The following PLSCR2 variants were observed in gnomAD, a reference collection of about 807,000 sequenced individuals.
The protein encoded by PLSCR2 is PL scramblase 2.
PLSCR2 carries 18 observed loss-of-function variants against 25.3 expected under a neutral mutation model. That is an observed-to-expected ratio of 0.71 (90% CI 0.49 to 1.06). The LOEUF is 1.06. Among genes scored for constraint, PLSCR2 ranks in the 50% least tolerant of loss-of-function variants. The probability of loss-of-function intolerance (pLI) is 0.00; values close to 1 mark genes in which losing one functional copy is unlikely to be tolerated. For missense variants in PLSCR2, 243 were observed against 269.5 expected, an observed-to-expected ratio of 0.90 and a Z score of 0.69; for synonymous variants, 88 against 87.3, an observed-to-expected ratio of 1.01 and a Z score of -0.04.
exon 4 of PLSCR2, chr3:146,455,387 G>C: frequency 6.2e-7 from 1 of 1,613,492 alleles, no homozygotes; most frequent in South Asian, 1.1e-5. Flanking sequence ...AGTATCTTCT[G>C]CTGCAAAATA....
rs923245601 is a variant in PLSCR2 at position 146,492,487 on chromosome 3, T to G, written c.-293+3408A>C. Among the ~76,000 whole-genome samples the G allele has an allele frequency of 2.0e-5, 3 of 152,160 alleles. No homozygotes were observed. In the East Asian group the frequency reaches 5.8e-4, roughly 29 times the overall value. On this transcript the variant is annotated intron_variant, in intron 1 of 8. Transcript: ENST00000336685. ...GTGCAATAAAAATATAAATCAATAC[T>G]AAGGAGATATATCCAAACCATACAA... is the stretch of plus-strand genomic sequence containing the variant.
intron 8 of PLSCR2, among the ~76,000 whole-genome samples, chr3:146,435,084 C>T (rs2039762503): frequency 1.3e-5 from 2 of 152,170 alleles, no homozygotes; most frequent in South Asian, 4.1e-4. Flanking sequence ...ATCCATGTCC[C>T]TACAAAGGAC....
In PLSCR2 at chr3:146,460,090, T is replaced by C. The variant is rs1247437365; in HGVS notation, c.-179-7A>G. On this transcript the variant is annotated splice_polypyrimidine_tract_variant and splice_region_variant and intron_variant, in intron 1 of 6. Coordinates refer to ENST00000610787, the Ensembl canonical transcript of PLSCR2. ...ACAATATGTCCGGGAGGTCCTGAAA[T>C]AGGAGCAAGTAAAATAATTTGTAGC... The C allele has an allele frequency of 6.7e-7, 1 of 1,493,858 alleles. No homozygotes were observed. Among genetic ancestry groups the C allele is most frequent in the Admixed American group, 2.2e-5 (1 of 44,706 alleles). 92.5% of individuals were successfully genotyped at this position (1,493,858 alleles called of 1,614,324 possible). A position where few individuals can be genotyped will look rare whatever the true frequency, so the allele number is the denominator to read the frequency against.
intron 1 of PLSCR2, among the ~76,000 whole-genome samples, chr3:146,467,598 T>C (rs999101510): frequency 1.3e-5 from 2 of 151,782 alleles, no homozygotes; most frequent in Admixed American, 1.3e-4. Context: ...ATTATATTAA[T>C]TAAATTTATT....
chr3:146,473,658 T>G (rs183756497), intron 1 of PLSCR2, among the ~76,000 whole-genome samples: 10 of 152,310 alleles, frequency 6.6e-5, no homozygotes, highest in Admixed American at 5.2e-4. Context: ...AAACACACTG[T>G]TGGTTAACTA....
chr3:146,394,363 G>C (rs1004049056), intron 3 of PLSCR2, among the ~76,000 whole-genome samples: 1 of 151,938 alleles, frequency 6.6e-6, no homozygotes, highest in Admixed American at 6.6e-5. Flanking sequence ...TGCCTCCTGG[G>C]TTCAAGCGAT....
intron 2 of PLSCR2, chr3:146,401,414 A>C (rs993223704): frequency 6.6e-6 from 1 of 152,532 alleles, no homozygotes; most frequent in Admixed American, 6.5e-5. Context: ...CTCTACCTAC[A>C]TTATCATAAA....
intron 1 of PLSCR2, among the ~76,000 whole-genome samples, chr3:146,485,485 C>T (rs1180213327): frequency 6.6e-6 from 1 of 152,102 alleles, no homozygotes; most frequent in Non-Finnish European, 1.5e-5. Context: ...CACCCCAAGG[C>T]AACAGAATAT....
At chr3:146,494,207 C>T (rs532634787) in intron 1 of PLSCR2, among the ~76,000 whole-genome samples, 154 of 151,870 alleles carry the variant, frequency 1.0e-3, no homozygotes, top group Non-Finnish European at 1.4e-3. Flanking sequence ...TTTTTGGAGC[C>T]CTTATTCTGA....
downstream of PLSCR2, among the ~76,000 whole-genome samples, chr3:146,430,088 T>C (rs1008121047): frequency 6.6e-6 from 1 of 152,150 alleles, no homozygotes; most frequent in Non-Finnish European, 1.5e-5. Flanking sequence ...TATAAAAATT[T>C]GAAGCATAGC....
At chr3:146,422,249 A>G (rs1455920067) in intron 2 of PLSCR2, among the ~76,000 whole-genome samples, 2 of 152,084 alleles carry the variant, frequency 1.3e-5, no homozygotes, top group Non-Finnish European at 2.9e-5. Flanking sequence ...AATCTGCAGG[A>G]ATTGCTTGAT....
At chr3:146,461,533 A>T (rs2041573218), upstream of PLSCR2, among the ~76,000 whole-genome samples, 1 of 152,194 alleles carries the variant, frequency 6.6e-6, no homozygotes, top group African/African-American at 2.4e-5. Context: ...ATGATGGGGA[A>T]AACATGGGAG....
intron 2 of PLSCR2, among the ~76,000 whole-genome samples, chr3:146,405,397 C>T (rs575851726): frequency 3.0e-4 from 45 of 152,142 alleles, no homozygotes; most frequent in African/African-American, 9.9e-4. Flanking sequence ...TCAGCTTGCA[C>T]AAGTTAAGTC....
At chr3:146,407,613 T>G (rs898010514) in intron 2 of PLSCR2, among the ~76,000 whole-genome samples, 2 of 152,190 alleles carry the variant, frequency 1.3e-5, no homozygotes, top group Non-Finnish European at 2.9e-5. Flanking sequence ...TTGCCTTTCT[T>G]GCTGAGGTGA....
intron 5 of PLSCR2, among the ~76,000 whole-genome samples, chr3:146,452,488 T>C (rs1246992104): frequency 6.6e-6 from 1 of 152,172 alleles, no homozygotes; most frequent in Non-Finnish European, 1.5e-5. Context: ...AGGAGCACTA[T>C]ATAATTCAAA....
At chr3:146,443,677 T>A (rs1478244556) in intron 6 of PLSCR2, among the ~76,000 whole-genome samples, 2 of 152,018 alleles carry the variant, frequency 1.3e-5, no homozygotes, top group Admixed American at 6.5e-5. Context: ...GGCTAAAGAT[T>A]TGTTGATTTG....
chr3:146,422,076 T>C (rs1232368352), intron 2 of PLSCR2, among the ~76,000 whole-genome samples: 1 of 152,068 alleles, frequency 6.6e-6, no homozygotes, highest in Non-Finnish European at 1.5e-5. Context: ...AGATATAAGA[T>C]ATTGTCTTTA....
At chr3:146,431,270 T>C (rs527882463), downstream of PLSCR2, among the ~76,000 whole-genome samples, 4 of 152,324 alleles carry the variant, frequency 2.6e-5, no homozygotes, top group South Asian at 6.2e-4. Context: ...TTCTCAGAAC[T>C]TTTTTATTCT....
At chr3:146,455,975 A>C (rs1259309084) in intron 3 of PLSCR2, among the ~76,000 whole-genome samples, 1 of 152,176 alleles carries the variant, frequency 6.6e-6, no homozygotes, top group Non-Finnish European at 1.5e-5. Context: ...CACGTGCATA[A>C]AAAGTGAGAG....
Sources: allele counts gnomAD v4.1 joint callset (sites outside exome capture counted in the v4.1 genomes callset), GRCh38; gene constraint gnomAD v4.1.1; transcripts MANE v1.5; gene names NCBI Gene and HGNC (gene_info 2026-07-23, HGNC 2026-07-21).